The following PNLDC1 variants were observed in gnomAD, a reference collection of about 807,000 sequenced individuals.
PNLDC1 encodes poly(A)-specific ribonuclease PNLDC1.
A neutral mutation model predicts 82.0 loss-of-function variants in PNLDC1; 70 were observed. The observed-to-expected ratio is 0.85, with a 90% CI of 0.70 to 1.04. The LOEUF (loss-of-function observed/expected upper bound fraction) is 1.04, where lower values mean the gene tolerates loss of function less well. PNLDC1 is among the 50% of genes least tolerant of loss of function. The pLI is 0.00. For synonymous variants in PNLDC1, 280 were observed against 249.3 expected (o/e 1.12, Z -1.16); for missense variants, 631 against 661.1 (o/e 0.95, Z 0.50).
intron 11 of PNLDC1, 82 bp downstream of exon 11, chr6:159,811,868 T>C: frequency 9.4e-7 from 1 of 1,064,128 alleles, no homozygotes; most frequent in Non-Finnish European, 1.4e-6. Flanking sequence ...GGTTTTTTTC[T>C]TGTGTTTTTT....
In PNLDC1 at chr6:159,816,731, C is replaced by T. The variant is rs1052437146; in HGVS notation, c.1114+135C>T. ...CACTGCAGCCTCTACCTCCTGGGCT[C>T]AGGTGATCCTCCCACCTCAGCTTCC... On this transcript the variant is annotated intron_variant, in intron 14 of 18. Transcript: ENST00000392167. 12 of 774,710 alleles carry T rather than the reference C, an allele frequency of 1.5e-5. No homozygotes were observed. In the African/African-American group the frequency reaches 2.1e-4, roughly 13 times the overall value. The allele number at this position is 774,710 out of a possible 1,614,324, so 48.0% of individuals were successfully genotyped here.
chr6:159,808,890 GA>G, intron 8 of PNLDC1, 74 bp downstream of exon 8: 1 of 1,597,042 alleles, frequency 6.3e-7, no homozygotes, highest in South Asian at 1.1e-5. Flanking sequence ...TCTGGCCTCT[GA>G]AAAGCTTTTA....
At chr6:159,813,535 C>T (rs765136064) in intron 11 of PNLDC1, 66 bp from the exon 12 acceptor site, 27 of 1,426,390 alleles carry the variant, frequency 1.9e-5, no homozygotes, top group Admixed American at 5.0e-5. Context: ...CCATTTGGTA[C>T]TGCCTGAAAC....
At chr6:159,817,280 A>T (rs1041489301) in intron 15 of PNLDC1, 129 bp downstream of exon 15, 1 of 894,380 alleles carries the variant, frequency 1.1e-6, no homozygotes, top group African/African-American at 1.6e-5. Flanking sequence ...TGTCACTGGT[A>T]TAGAAATCTT....
intron 16 of PNLDC1, 132 bp downstream of exon 16, chr6:159,818,786 C>G: frequency 8.3e-7 from 1 of 1,209,018 alleles, no homozygotes; most frequent in Non-Finnish European, 1.2e-6. Flanking sequence ...TTTTTCTTTC[C>G]TCTCATGTTT....
chr6:159,801,971 T>A (rs1229673561), intron 3 of PNLDC1, among the ~76,000 whole-genome samples: 1 of 151,786 alleles, frequency 6.6e-6, no homozygotes, highest in African/African-American at 2.4e-5. Flanking sequence ...CACCGCAACC[T>A]CCACCACCCA....
rs1781543297 is a variant in PNLDC1, at chr6:159,808,789, C to A, written c.612C>A (p.Asn204Lys). ...VQLVLRQALPNIWTVLKDEGV... is the reference protein window; with the variant it reads ...VQLVLRQALPKIWTVLKDEGV... ...TGGTGCTGAGGCAGGCCCTCCCCAA[C>A]ATCTGGACGGTGCTGAAAGATGAGG... The change falls in exon 8 of 19, where the codon AAC becomes AAA. Residue 204 changes from asparagine (N) to lysine (K), a missense_variant. Transcript: ENST00000392167. 1 of 1,614,098 alleles carries A rather than the reference C, an allele frequency of 6.2e-7. No individual in the cohort carries two copies. The highest frequency in any genetic ancestry group is 1.1e-5 in the South Asian group (1 of 91,050).
chr6:159,799,819 C>T (rs982865071), upstream of PNLDC1, among the ~76,000 whole-genome samples: 3 of 151,930 alleles, frequency 2.0e-5, no homozygotes, highest in Non-Finnish European at 2.9e-5. Flanking sequence ...TGTCCAGGGG[C>T]GTGGGAGAGG....
intron 11 of PNLDC1, 136 bp downstream of exon 11, chr6:159,811,922 G>A (rs1781661216): frequency 2.9e-6 from 2 of 692,724 alleles, no homozygotes; most frequent in East Asian, 2.8e-5. Context: ...TTGTTTGAGA[G>A]GGAGTCTTGC....
chr6:159,814,959 C>T (rs1002956274), intron 12 of PNLDC1, among the ~76,000 whole-genome samples: 4 of 152,236 alleles, frequency 2.6e-5, no homozygotes, highest in Middle Eastern at 3.4e-3. Flanking sequence ...CCCACGACGA[C>T]GACGCCTGTT....
intron 7 of PNLDC1, among the ~76,000 whole-genome samples, chr6:159,806,740 T>C (rs545780159): frequency 1.7e-4 from 26 of 152,312 alleles, no homozygotes; most frequent in African/African-American, 6.0e-4. Context: ...TAAATCTCAA[T>C]CTTTTGATTA....
chr6:159,802,497 TG>T (rs915091365), intron 3 of PNLDC1, among the ~76,000 whole-genome samples: 10 of 152,218 alleles, frequency 6.6e-5, no homozygotes, highest in African/African-American at 1.9e-4. Flanking sequence ...GTTTTTTTTT[TG>T]TTCGTTTGTT....
intron 14 of PNLDC1, 59 bp downstream of exon 14, chr6:159,816,655 A>T (rs1347818381): frequency 7.9e-6 from 11 of 1,398,960 alleles, no homozygotes; most frequent in Admixed American, 3.4e-5. Flanking sequence ...TTTCTGAGAC[A>T]GGGTCTCACT....
At chr6:159,811,875 T>G in intron 11 of PNLDC1, 89 bp downstream of exon 11, 1 of 910,968 alleles carries the variant, frequency 1.1e-6, no homozygotes, top group South Asian at 1.6e-5. Flanking sequence ...TTCTTGTGTT[T>G]TTTTGTTTTT....
At chr6:159,818,226 G>C (rs538509763) in intron 15 of PNLDC1, among the ~76,000 whole-genome samples, 2 of 152,268 alleles carry the variant, frequency 1.3e-5, no homozygotes, top group Admixed American at 6.5e-5. Context: ...TCTTACCAAG[G>C]GGGGACAGCA....
intron 10 of PNLDC1, 134 bp downstream of exon 10, chr6:159,810,229 T>G (rs1182916316): frequency 1.3e-6 from 1 of 767,668 alleles, no homozygotes; most frequent in African/African-American, 1.7e-5. Context: ...TTCTGGAGAG[T>G]TTGGGCAGAG....
chr6:159,804,524 T>C (rs368555678), intron 5 of PNLDC1, 25 bp from the exon 6 acceptor site: 118 of 1,486,704 alleles, frequency 7.9e-5, no homozygotes, highest in South Asian at 6.9e-4. Context: ...CCTTGTTCTG[T>C]TTGTTGTTCT....
intron 4 of PNLDC1, 29 bp downstream of exon 4, chr6:159,803,339 G>A: frequency 6.2e-7 from 1 of 1,605,208 alleles, no homozygotes; most frequent in East Asian, 2.2e-5. Flanking sequence ...TGCAAACATA[G>A]GTGCTTCCCA....
intron 3 of PNLDC1, among the ~76,000 whole-genome samples, chr6:159,801,834 A>G (rs902235386): frequency 1.3e-5 from 2 of 148,670 alleles, no homozygotes; most frequent in Admixed American, 6.7e-5. Context: ...TTTTTCCTTG[A>G]TGGGATTTGG....
Sources: gnomAD v4.1 joint callset for allele counts (sites outside exome capture counted in the v4.1 genomes callset) on GRCh38, gnomAD v4.1.1 for gene constraint, MANE v1.5 for transcripts, NCBI Gene and HGNC (gene_info 2026-07-23, HGNC 2026-07-21) for gene names.